The following FDFT1 variants were observed in gnomAD, a reference collection of about 807,000 sequenced individuals.
FDFT1 encodes squalene synthase.
FDFT1 carries 68 observed loss-of-function variants against 46.8 expected under a neutral mutation model. The ratio of observed to expected loss-of-function variants is 1.45; its 90% CI spans 1.19 to 1.78. FDFT1 has a LOEUF of 1.78. FDFT1 is among the 40% of genes most tolerant of loss of function. FDFT1 has a pLI of 0.00. For missense variants in FDFT1, 928 were observed against 524.4 expected (o/e 1.77, Z -7.52); for synonymous variants, 351 against 185.1 (o/e 1.90, Z -7.28).
intron 3 of FDFT1, among the ~76,000 whole-genome samples, chr8:11,814,561 C>A (rs1808180592): frequency 6.6e-6 from 1 of 152,106 alleles, no homozygotes; most frequent in Non-Finnish European, 1.5e-5. Context: ...TTTAAGACTT[C>A]CCATGGTGTT....
At chr8:11,828,813 C>T (rs1355551027) in intron 5 of FDFT1, among the ~76,000 whole-genome samples, 1 of 152,214 alleles carries the variant, frequency 6.6e-6, no homozygotes, top group African/African-American at 2.4e-5. Flanking sequence ...TTTCAGGGCT[C>T]CTCCATGCTG....
intron 1 of FDFT1, 98 bp downstream of exon 1, chr8:11,803,029 C>T (rs1021924632): frequency 1.3e-6 from 2 of 1,500,340 alleles, no homozygotes; most frequent in Non-Finnish European, 1.8e-6. Context: ...GCAAGGGGCG[C>T]GGCGAGCAGG....
At chr8:11,810,002 T>A in intron 3 of FDFT1, 152 bp downstream of exon 3, 1 of 572,816 alleles carries the variant, frequency 1.7e-6, no homozygotes, top group Non-Finnish European at 3.0e-6. Flanking sequence ...GCCAAGACTC[T>A]GAAGCCAGGC....
At chr8:11,837,625 T>G (rs1586025854) in intron 7 of FDFT1, among the ~76,000 whole-genome samples, 2 of 152,208 alleles carry the variant, frequency 1.3e-5, no homozygotes, top group Middle Eastern at 6.8e-3. Context: ...GGCCTTGCGC[T>G]ACACATTACA....
intron 3 of FDFT1, among the ~76,000 whole-genome samples, chr8:11,818,991 C>T (rs1808848609): frequency 6.6e-6 from 1 of 152,132 alleles, no homozygotes; most frequent in African/African-American, 2.4e-5. Flanking sequence ...TGGCTGGTAC[C>T]AGTTGTTCCT....
chr8:11,797,926 G>C (rs564333769), upstream of FDFT1: 1 of 152,364 alleles, frequency 6.6e-6, no homozygotes, highest in African/African-American at 2.4e-5. Context: ...TGGACAGGAG[G>C]CTGAAATCCC....
intron 5 of FDFT1, among the ~76,000 whole-genome samples, chr8:11,828,947 G>A (rs866551438): frequency 1.3e-5 from 2 of 152,102 alleles, no homozygotes; most frequent in Non-Finnish European, 2.9e-5. Context: ...TTTGGCTATG[G>A]TGAATAGTAC....
intron 3 of FDFT1, among the ~76,000 whole-genome samples, chr8:11,814,519 C>G (rs28622563): frequency 6.6e-6 from 1 of 152,206 alleles, no homozygotes; most frequent in African/African-American, 2.4e-5. Flanking sequence ...AATCTCTTCA[C>G]TGTTTGCAGT....
Position 11,813,599 on chromosome 8 carries a change from C to T in FDFT1, c.381+3749C>T, listed in dbSNP as rs117873906. Among the ~76,000 whole-genome samples the T allele has an allele frequency of 4.9e-3, 744 of 152,268 alleles. 6 individuals are homozygous for T. Among genetic ancestry groups the T allele is most frequent in the East Asian group, 0.018 (92 of 5,176 alleles). ...TTCAGATCTCTTGTGCTGAGTCACT[C>T]GCATACTTTACTACCTCTAAGGTTT... On this transcript the variant is annotated intron_variant, in intron 3 of 7. Transcript: ENST00000220584.
chr8:11,821,966 C>T (rs765274869), intron 4 of FDFT1, 88 bp downstream of exon 4: 90 of 1,469,390 alleles, frequency 6.1e-5, no homozygotes, highest in Non-Finnish European at 7.5e-5. Flanking sequence ...AAAAGTTGTC[C>T]AGTATTTTCA....
At chr8:11,801,924 C>T (rs533025073), upstream of FDFT1, 21 of 449,488 alleles carry the variant, frequency 4.7e-5, no homozygotes, top group Non-Finnish European at 8.4e-5. Context: ...CTCTTGACCT[C>T]GTGATCCACC....
rs1222997615 is a variant in FDFT1 at position 11,808,641 on chromosome 8, C to T, written c.100-153C>T. 1.2e-5 allele frequency: 17 copies of T among 1,400,078 alleles called. No individual in the cohort carries two copies. The Middle Eastern group carries it at 5.7e-4, about 47-fold the overall frequency. The allele number at this position is 1,400,078 out of a possible 1,614,324, so 86.7% of individuals were successfully genotyped here. A position where few individuals can be genotyped will look rare whatever the true frequency, so the allele number is the denominator to read the frequency against. ...CGCCCCGCGGGGCTGCTGCTTGCCTCCTGCCGCCTGGCCCTGCAAGGACTG... is the reference window on the plus strand; with the variant it reads ...CGCCCCGCGGGGCTGCTGCTTGCCTTCTGCCGCCTGGCCCTGCAAGGACTG... On this transcript the variant is annotated intron_variant, in intron 1 of 7. Coordinates refer to ENST00000220584, the MANE Select transcript of FDFT1 (RefSeq NM_004462.5).
At position 11,831,638 on chromosome 8, in the gene FDFT1, G is replaced by A; in HGVS notation, c.1000G>A (p.Val334Ile). 3 of 1,614,046 alleles carry A rather than the reference G, an allele frequency of 1.9e-6. No homozygotes were observed. The highest frequency in any genetic ancestry group is 1.6e-4 in the Middle Eastern group (1 of 6,062). Reference sequence around the variant, plus strand: ...GATGGATGCCACCAATATGCCAGCTGTCAAAGCCATCATATATCAGTATAT... The same window carrying A: ...GATGGATGCCACCAATATGCCAGCTATCAAAGCCATCATATATCAGTATAT... ...LMMDATNMPAVKAIIYQYMEE... is the reference protein window; with the variant it reads ...LMMDATNMPAIKAIIYQYMEE... Residue 334 changes from valine (V) to isoleucine (I), a missense_variant, in exon 7 of 8, where the codon GTC becomes ATC. Coordinates refer to ENST00000220584, the MANE Select transcript of FDFT1 (RefSeq NM_004462.5).
Position 11,831,633 on chromosome 8 carries a change from C to T in FDFT1, c.995C>T (p.Pro332Leu), listed in dbSNP as rs758432597. ...VTLMMDATNM[P>L]AVKAIIYQYM... The stretch of plus-strand genomic sequence containing the variant: ...CTGATGATGGATGCCACCAATATGC[C>T]AGCTGTCAAAGCCATCATATATCAG... The change falls in exon 7 of 8, where the codon CCA (proline) becomes CTA (leucine). Residue 332 changes from proline (P) to leucine (L), a missense_variant. Transcript: ENST00000220584. The T allele has an allele frequency of 6.8e-6, 11 of 1,613,868 alleles. No homozygotes were observed. Among genetic ancestry groups the T allele is most frequent in the African/African-American group, 1.3e-5 (1 of 74,920 alleles).
chr8:11,804,274 C>T (rs1475325876), intron 1 of FDFT1, among the ~76,000 whole-genome samples: 1 of 152,188 alleles, frequency 6.6e-6, no homozygotes, highest in Non-Finnish European at 1.5e-5. Flanking sequence ...GACTTCATTC[C>T]TCTATGTCTC....
chr8:11,801,320 G>A (rs979040903), upstream of FDFT1, among the ~76,000 whole-genome samples: 1 of 152,162 alleles, frequency 6.6e-6, no homozygotes, highest in Admixed American at 6.5e-5. Flanking sequence ...TACCTGACAG[G>A]TTTCCTGTTT....
At chr8:11,799,744 G>A (rs1016811110), upstream of FDFT1, among the ~76,000 whole-genome samples, 1 of 151,940 alleles carries the variant, frequency 6.6e-6, no homozygotes, top group African/African-American at 2.4e-5. Flanking sequence ...TCAAGAGATT[G>A]AGACCATCCT....
At chr8:11,808,512 A>G (rs968294173) in intron 1 of FDFT1, 9 of 1,329,476 alleles carry the variant, frequency 6.8e-6, no homozygotes, top group African/African-American at 1.5e-5. Context: ...GGGGTCCGCG[A>G]TTCCCATGGC....
chr8:11,818,959 A>G (rs190632438), intron 3 of FDFT1, among the ~76,000 whole-genome samples: 195 of 152,300 alleles, frequency 1.3e-3, no homozygotes, highest in Non-Finnish European at 2.1e-3. Flanking sequence ...GATGGTCTTT[A>G]CAATTTGGCA....
Sources: gnomAD v4.1 joint callset for allele counts (sites outside exome capture counted in the v4.1 genomes callset) on GRCh38, gnomAD v4.1.1 for gene constraint, MANE v1.5 for transcripts, NCBI Gene and HGNC (gene_info 2026-07-23, HGNC 2026-07-21) for gene names.